Variants in HLCS observed in about 807,000 individuals in gnomAD.
The protein encoded by HLCS is holocarboxylase synthetase.
Under a neutral mutation model 75.0 loss-of-function variants are expected in HLCS, and 53 were observed. The ratio of observed to expected loss-of-function variants is 0.71; its 90% CI spans 0.57 to 0.89. The LOEUF is 0.89. Among genes scored for constraint, HLCS ranks in the 40% least tolerant of loss-of-function variants. The probability of loss-of-function intolerance (pLI) is 0.00; values close to 1 mark genes in which losing one functional copy is unlikely to be tolerated. For missense variants in HLCS, 966 were observed against 1,074.0 expected, an observed-to-expected ratio of 0.90 and a Z score of 1.41; for synonymous variants, 431 against 428.6, an observed-to-expected ratio of 1.01 and a Z score of -0.07.
chr21:36,981,245 A>T (rs892885408), intron 1 of HLCS, among the ~76,000 whole-genome samples: 1 of 152,180 alleles, frequency 6.6e-6, no homozygotes, highest in Non-Finnish European at 1.5e-5. Context: ...AAAGTAGCCA[A>T]ATTTGGCACT....
chr21:36,825,483 G>A (rs1418179686), intron 6 of HLCS, among the ~76,000 whole-genome samples: 2 of 152,102 alleles, frequency 1.3e-5, no homozygotes, highest in Non-Finnish European at 2.9e-5. Context: ...GTGTGTGTGT[G>A]TACACGTAAA....
chr21:36,870,299 G>T (rs530446868), intron 6 of HLCS, among the ~76,000 whole-genome samples: 3 of 152,124 alleles, frequency 2.0e-5, no homozygotes, highest in Non-Finnish European at 2.9e-5. Flanking sequence ...ACCATGAAGG[G>T]GTGGGGGGAG....
At chr21:36,871,349 C>A (rs2063763191) in intron 6 of HLCS, among the ~76,000 whole-genome samples, 1 of 152,108 alleles carries the variant, frequency 6.6e-6, no homozygotes, top group African/African-American at 2.4e-5. Context: ...CCAAAAGTAA[C>A]ACTTCACTTT....
chr21:36,912,996 TACA>T (rs2065785209), intron 5 of HLCS, among the ~76,000 whole-genome samples: 1 of 152,178 alleles, frequency 6.6e-6, no homozygotes, highest in Non-Finnish European at 1.5e-5. Context: ...CCCACTTAGC[TACA>T]ACAAGAGTAT....
intron 1 of HLCS, among the ~76,000 whole-genome samples, chr21:36,966,086 G>A (rs1292595945): frequency 6.6e-6 from 1 of 152,164 alleles, no homozygotes; most frequent in Admixed American, 6.5e-5. Flanking sequence ...CCTGGTTCAC[G>A]GTCACCCAAA....
rs143602838 is a variant in HLCS at position 36,843,696 on chromosome 21, C to T, written c.1892+53164G>A. Among the ~76,000 whole-genome samples the T allele has an allele frequency of 1.4e-3, 215 of 152,168 alleles. 2 individuals are homozygous for T. The highest frequency in any genetic ancestry group is 5.0e-3 in the African/African-American group (208 of 41,514). ...AAACAAAAGTTTCTGAAATTCTGTA[C>T]ATTCACTTCTAAAATGTCAAACTAG... On this transcript the variant is annotated intron_variant, in intron 6 of 10. Coordinates refer to ENST00000674895, the MANE Select transcript of HLCS (RefSeq NM_001352514.2).
chr21:36,921,694 G>A (rs953034872), intron 5 of HLCS, among the ~76,000 whole-genome samples: 2 of 152,020 alleles, frequency 1.3e-5, no homozygotes, highest in Non-Finnish European at 2.9e-5. Context: ...TCTCAGCCTC[G>A]GAGGCGCAGC....
chr21:36,947,825 G>A (rs2067477029), intron 2 of HLCS: 1 of 985,346 alleles, frequency 1.0e-6, no homozygotes, highest in Non-Finnish European at 1.2e-6. Flanking sequence ...TGCAGTGAGT[G>A]GGGAACAGAA....
In HLCS at chr21:36,828,292, A is replaced by C. The variant is rs548085156; in HGVS notation, c.1893-61007T>G. On this transcript the variant is annotated intron_variant, in intron 6 of 10. Transcript: ENST00000674895. ...AGCTGAGCTTTGCTAATAGGCCATA[A>C]TTTATTTAAAAAAATTTAGTCTCAT... Among the ~76,000 whole-genome samples the C allele has an allele frequency of 1.3e-3, 204 of 152,256 alleles. 1 individual carries two copies. Among genetic ancestry groups the C allele is most frequent in the Non-Finnish European group, 9.4e-4 (64 of 68,024 alleles).
At chr21:36,914,190 C>G (rs773570729) in intron 5 of HLCS, among the ~76,000 whole-genome samples, 4 of 152,232 alleles carry the variant, frequency 2.6e-5, no homozygotes, top group Non-Finnish European at 5.9e-5. Context: ...GTCCAGGGGC[C>G]AGCACATCTG....
intron 6 of HLCS, among the ~76,000 whole-genome samples, chr21:36,886,829 C>T (rs2064488904): frequency 6.6e-6 from 1 of 151,986 alleles, no homozygotes; most frequent in Non-Finnish European, 1.5e-5. Flanking sequence ...TGTGCGGATA[C>T]AAGAAGTCAG....
chr21:36,875,413 A>C (rs1453753051), intron 6 of HLCS, among the ~76,000 whole-genome samples: 1 of 152,190 alleles, frequency 6.6e-6, no homozygotes, highest in Non-Finnish European at 1.5e-5. Flanking sequence ...TAAAAACCCC[A>C]GATTCAGCCA....
chr21:36,768,291 A>G (rs2090114819), intron 6 of HLCS, among the ~76,000 whole-genome samples: 1 of 152,204 alleles, frequency 6.6e-6, no homozygotes, highest in Non-Finnish European at 1.5e-5. Flanking sequence ...TTGTAATAAC[A>G]TAAAGTTTCT....
At chr21:36,984,105 C>G (rs2069181791) in intron 1 of HLCS, among the ~76,000 whole-genome samples, 1 of 152,064 alleles carries the variant, frequency 6.6e-6, no homozygotes, top group African/African-American at 2.4e-5. Flanking sequence ...TCACAAAGCC[C>G]TAGAATCATA....
intron 6 of HLCS, among the ~76,000 whole-genome samples, chr21:36,888,440 AAAAAAATATATAT>A (rs1394548426): frequency 6.9e-4 from 21 of 30,540 alleles, no homozygotes; most frequent in African/African-American, 2.0e-3. Context: ...TTTAAAAAAA[AAAAAAATATATAT>A]ATATATATAT....
chr21:36,756,811 T>C (rs1398690136), intron 9 of HLCS, 56 bp from the exon 10 acceptor site: 1 of 1,611,986 alleles, frequency 6.2e-7, no homozygotes, highest in African/African-American at 1.3e-5. Context: ...CACACATTCC[T>C]CTCTGCCACA....
intron 6 of HLCS, among the ~76,000 whole-genome samples, chr21:36,867,210 G>T (rs2063589942): frequency 6.6e-6 from 1 of 152,134 alleles, no homozygotes; most frequent in African/African-American, 2.4e-5. Context: ...TTGCAACATT[G>T]GTTCTCAGAG....
Position 36,759,790 on chromosome 21 carries a change from T to A in HLCS, c.2173A>T (p.Met725Leu), listed in dbSNP as rs1306907130. 2 of 1,613,856 alleles carry A rather than the reference T, an allele frequency of 1.2e-6. No individual in the cohort carries two copies. The highest frequency in any genetic ancestry group is 3.3e-5 in the Admixed American group (2 of 60,036). The change falls in exon 9 of 11, where the codon ATG becomes TTG. Residue 725 changes from methionine (M) to leucine (L), a missense_variant. By Grantham distance (15) the Met-to-Leu change is conservative (BLOSUM62 2). Transcript: ENST00000674895. ...WPNDIYYSDLMKIGGVLVNST... is the reference protein window; with the variant it reads ...WPNDIYYSDLLKIGGVLVNST... The stretch of plus-strand genomic sequence containing the variant: ...TTAACCAGAACTCCGCCGATCTTCA[T>A]GAGGTCACTGTAATAAATATCGTTG...
intron 6 of HLCS, among the ~76,000 whole-genome samples, chr21:36,809,820 C>A (rs1315693899): frequency 1.3e-5 from 2 of 152,218 alleles, no homozygotes; most frequent in Non-Finnish European, 2.9e-5. Flanking sequence ...CTCACTGCAG[C>A]CATGACCTCC....
Sources: gnomAD v4.1 joint callset for allele counts (sites outside exome capture counted in the v4.1 genomes callset) on GRCh38, gnomAD v4.1.1 for gene constraint, MANE v1.5 for transcripts, NCBI Gene and HGNC (gene_info 2026-07-23, HGNC 2026-07-21) for gene names.